Variants in ADAMTS3 observed in about 807,000 individuals in gnomAD.
The protein encoded by ADAMTS3 is ADAM metallopeptidase with thrombospondin type 1 motif 3, also known as A disintegrin and metalloproteinase with thrombospondin motifs 3.
A neutral mutation model predicts 129.0 loss-of-function variants in ADAMTS3; 73 were observed. That is an observed-to-expected ratio of 0.57 (90% CI 0.47 to 0.69). The LOEUF (loss-of-function observed/expected upper bound fraction) is 0.69, where lower values mean the gene tolerates loss of function less well. Among genes scored for constraint, ADAMTS3 ranks in the 30% least tolerant of loss-of-function variants. ADAMTS3 has a pLI of 0.00. For synonymous variants in ADAMTS3, 477 were observed against 510.8 expected, an observed-to-expected ratio of 0.93 and a Z score of 0.89; for missense variants, 1,457 against 1,514.5, an observed-to-expected ratio of 0.96 and a Z score of 0.63.
rs1188608007 is a variant in ADAMTS3, at chr4:72,379,075, C to T, written c.661+35740G>A. Among the ~76,000 whole-genome samples the T allele has an allele frequency of 3.9e-5, 6 of 152,272 alleles. No homozygotes were observed. The East Asian group carries it at 1.2e-3, about 29-fold the overall frequency. On this transcript the variant is annotated intron_variant, in intron 4 of 21. Transcript: ENST00000286657. ...TCTAGGCCAGTTAGAGCATGTCTGTCTACCACTTCACTGTCTTTTAGTTAA... is the reference window on the plus strand; with the variant it reads ...TCTAGGCCAGTTAGAGCATGTCTGTTTACCACTTCACTGTCTTTTAGTTAA...
intron 4 of ADAMTS3, among the ~76,000 whole-genome samples, chr4:72,390,893 TAAAA>T (rs33953807): frequency 6.9e-6 from 1 of 145,374 alleles, no homozygotes; most frequent in Non-Finnish European, 1.5e-5. Flanking sequence ...TAGAAAAAAT[TAAAA>T]AAAAAAAAAA....
intron 3 of ADAMTS3, among the ~76,000 whole-genome samples, chr4:72,501,471 T>C (rs1343914416): frequency 1.3e-5 from 2 of 152,192 alleles, no homozygotes; most frequent in South Asian, 2.1e-4. Context: ...TGATTTTGTA[T>C]CCTGAAACTT....
chr4:72,530,471 A>G (rs1226609679), intron 3 of ADAMTS3, among the ~76,000 whole-genome samples: 2 of 89,564 alleles, frequency 2.2e-5, no homozygotes, highest in African/African-American at 9.2e-5. Context: ...AAATATATTA[A>G]TTTAATATAT....
intron 3 of ADAMTS3, among the ~76,000 whole-genome samples, chr4:72,546,633 T>G (rs757829434): frequency 5.9e-5 from 9 of 152,086 alleles, no homozygotes; most frequent in Admixed American, 2.0e-4. Flanking sequence ...TTCTAGCAAG[T>G]TGAAAAAAAT....
chr4:72,476,054 C>T (rs72853032), intron 3 of ADAMTS3, among the ~76,000 whole-genome samples: 1,772 of 151,880 alleles, frequency 0.012, 50 homozygotes, highest in African/African-American at 0.041. Context: ...AAGCCCCTAC[C>T]TGAAGAAACT....
At chr4:72,464,850 C>T (rs183523327) in intron 3 of ADAMTS3, among the ~76,000 whole-genome samples, 87 of 152,108 alleles carry the variant, frequency 5.7e-4, no homozygotes, top group African/African-American at 1.7e-3. Context: ...AAGTTTCAGG[C>T]GTTTGTGTGT....
intron 3 of ADAMTS3, among the ~76,000 whole-genome samples, chr4:72,526,412 C>G (rs1205247038): frequency 6.6e-6 from 1 of 152,064 alleles, no homozygotes; most frequent in Non-Finnish European, 1.5e-5. Flanking sequence ...TACTAATTAT[C>G]ATCTAGCTAT....
At chr4:72,530,475 A>AATATATATTTATATACAAAT (rs1553921194) in intron 3 of ADAMTS3, among the ~76,000 whole-genome samples, 1 of 81,632 alleles carries the variant, frequency 1.2e-5, no homozygotes. Context: ...ATATTAATTT[A>AATATATATTTATATACAAAT]ATATATAAAT....
At position 72,290,993 on chromosome 4, in the gene ADAMTS3, T is replaced by C; in HGVS notation, c.2793A>G (p.Val931=). The change falls in exon 20 of 22, where the codon GTA becomes GTG. Residue 931 remains valine (V), a synonymous_variant. Coordinates refer to ENST00000286657, the MANE Select transcript of ADAMTS3 (RefSeq NM_014243.3). ...CGSSGYQLRT[V]RCLQPLLDGT... ...CATCAAGGAGTGGCTGAAGGCAGCGTACAGTGCGAAGCTGATAGCCAGAAC... is the reference window on the plus strand; with the variant it reads ...CATCAAGGAGTGGCTGAAGGCAGCGCACAGTGCGAAGCTGATAGCCAGAAC... The C allele has an allele frequency of 6.2e-7, 1 of 1,614,052 alleles. No homozygotes were observed. Among genetic ancestry groups the C allele is most frequent in the Non-Finnish European group, 8.5e-7 (1 of 1,179,974 alleles).
chr4:72,312,307 T>C lies in ADAMTS3; in HGVS notation c.1905A>G (p.Pro635=). The change falls in exon 13 of 22, where the codon CCA becomes CCG. Residue 635 remains proline, a synonymous_variant. Transcript: ENST00000286657. ...EYQNTKHHWL[P]YEHPDPKKRC... ...GCTACTCACGGTCAGGATGTTCATA[T>C]GGCAACCAGTGGTGTTTGGTATTCT... 1.9e-6 allele frequency: 3 copies of C among 1,613,676 alleles called. No individual in the cohort carries two copies. Among genetic ancestry groups the C allele is most frequent in the Non-Finnish European group, 1.7e-6 (2 of 1,179,694 alleles).
chr4:72,352,575 C>T (rs962532196), intron 4 of ADAMTS3, among the ~76,000 whole-genome samples: 5 of 151,946 alleles, frequency 3.3e-5, no homozygotes, highest in African/African-American at 1.2e-4. Context: ...CGTGAATAAG[C>T]TGAATTCCGG....
Position 72,311,194 on chromosome 4 carries a change from G to A in ADAMTS3, c.1922-13C>T. On this transcript the variant is annotated splice_polypyrimidine_tract_variant and intron_variant, in intron 13 of 21. Coordinates refer to ENST00000286657, the MANE Select transcript of ADAMTS3 (RefSeq NM_014243.3). ...CATCTTTTCTTGGCTGCATAAGATGGAGGATAAAATTAACTATTTACATAA... is the reference window on the plus strand; with the variant it reads ...CATCTTTTCTTGGCTGCATAAGATGAAGGATAAAATTAACTATTTACATAA... 1 of 1,603,276 alleles carries A rather than the reference G, an allele frequency of 6.2e-7. No homozygotes were observed.
rs754481489 is a variant in ADAMTS3, at chr4:72,298,447, C to A, written c.2425-5G>T. On this transcript the variant is annotated splice_region_variant and splice_polypyrimidine_tract_variant and intron_variant, in intron 17 of 21. Transcript: ENST00000286657. Reference sequence around the variant, plus strand: ...ATCATTTTCTTGAGGTATAATCTAACATACACATGAAATCAATATGTAAAT... The same window carrying A: ...ATCATTTTCTTGAGGTATAATCTAAAATACACATGAAATCAATATGTAAAT... 1 of 1,578,642 alleles carries A rather than the reference C, an allele frequency of 6.3e-7. No homozygotes were observed. Among genetic ancestry groups the A allele is most frequent in the Non-Finnish European group, 8.6e-7 (1 of 1,158,060 alleles).
chr4:72,366,756 G>A (rs1720878976), intron 4 of ADAMTS3, among the ~76,000 whole-genome samples: 1 of 149,582 alleles, frequency 6.7e-6, no homozygotes, highest in African/African-American at 2.5e-5. Flanking sequence ...TTTTTAAAGG[G>A]TATTTTAGTG....
At chr4:72,483,177 C>T (rs944548082) in intron 3 of ADAMTS3, among the ~76,000 whole-genome samples, 2 of 151,684 alleles carry the variant, frequency 1.3e-5, no homozygotes, top group Non-Finnish European at 2.9e-5. Context: ...AAAAAAAAGG[C>T]GTACATATTG....
At chr4:72,478,127 G>A (rs1277966004) in intron 3 of ADAMTS3, among the ~76,000 whole-genome samples, 1 of 152,174 alleles carries the variant, frequency 6.6e-6, no homozygotes. Flanking sequence ...GGAGGAACTG[G>A]TACCATTCTT....
At chr4:72,534,066 G>T (rs996855537) in intron 3 of ADAMTS3, among the ~76,000 whole-genome samples, 1 of 152,100 alleles carries the variant, frequency 6.6e-6, no homozygotes, top group African/African-American at 2.4e-5. Flanking sequence ...AGGGGCTCAC[G>T]CCTGTAATCC....
chr4:72,291,804 T>C (rs1287052613), intron 19 of ADAMTS3, among the ~76,000 whole-genome samples: 1 of 152,146 alleles, frequency 6.6e-6, no homozygotes, highest in Non-Finnish European at 1.5e-5. Flanking sequence ...TTTCTAGTTC[T>C]AGATCCCTGA....
intron 2 of ADAMTS3, among the ~76,000 whole-genome samples, chr4:72,562,927 T>G (rs879242917): frequency 6.6e-6 from 1 of 152,272 alleles, no homozygotes; most frequent in Non-Finnish European, 1.5e-5. Context: ...TGTCAATATA[T>G]CCTTTCCAAG....
Sources: gnomAD v4.1 joint callset for allele counts (sites outside exome capture counted in the v4.1 genomes callset) on GRCh38, gnomAD v4.1.1 for gene constraint, MANE v1.5 for transcripts, NCBI Gene and HGNC (gene_info 2026-07-23, HGNC 2026-07-21) for gene names.